The following P2RX1 variants were observed in gnomAD, a reference collection of about 807,000 sequenced individuals.
P2RX1 encodes P2X purinoceptor 1.
P2RX1 carries 42 observed loss-of-function variants against 50.3 expected under a neutral mutation model. The observed-to-expected ratio is 0.83, with a 90% CI of 0.65 to 1.08. P2RX1 has a LOEUF of 1.08. Among genes scored for constraint, P2RX1 ranks in the 50% least tolerant of loss-of-function variants. P2RX1 has a pLI of 0.00. For missense variants in P2RX1, 449 were observed against 529.0 expected (o/e 0.85, Z 1.48); for synonymous variants, 199 against 202.6 (o/e 0.98, Z 0.15).
rs192174083 is a variant in P2RX1 at position 3,901,268 on chromosome 17, C to T, written c.748-1507G>A. On this transcript the variant is annotated intron_variant, in intron 7 of 11. Transcript: ENST00000225538. ...ATTTTTAGTAGAGACGGGGTTTCAC[C>T]GTGTTAGCCAGGATGGTCTCGATCT... Among the ~76,000 whole-genome samples the T allele has an allele frequency of 3.5e-3, 528 of 152,296 alleles. 2 individuals carry two copies. The highest frequency in any genetic ancestry group is 0.021 in the East Asian group (107 of 5,186).
chr17:3,908,744 G>A (rs535406647), intron 1 of P2RX1, among the ~76,000 whole-genome samples: 113 of 152,178 alleles, frequency 7.4e-4, no homozygotes, highest in African/African-American at 2.5e-3. Context: ...TTTCTACCTC[G>A]TCATCAGCAA....
At chr17:3,911,585 G>A (rs2056365892) in intron 1 of P2RX1, among the ~76,000 whole-genome samples, 1 of 115,362 alleles carries the variant, frequency 8.7e-6, no homozygotes, top group South Asian at 3.2e-4. Flanking sequence ...TCCTGCCTCC[G>A]GTCCCCACGC....
intron 9 of P2RX1, among the ~76,000 whole-genome samples, 189 bp from the exon 10 acceptor site, chr17:3,898,738 AG>A (rs2056079856): frequency 6.6e-6 from 1 of 152,180 alleles, no homozygotes; most frequent in African/African-American, 2.4e-5. Flanking sequence ...CCTGAGCGCA[AG>A]GAGACTGTGG....
intron 1 of P2RX1, among the ~76,000 whole-genome samples, chr17:3,905,701 G>A (rs529842258): frequency 7.9e-5 from 12 of 152,194 alleles, no homozygotes; most frequent in South Asian, 2.1e-4. Flanking sequence ...ACAAAAATTA[G>A]CTTGGCATGG....
rs2056051450 is a variant in P2RX1, at chr17:3,897,506, G to A, written c.*308C>T. On this transcript the variant is annotated 3_prime_UTR_variant, in exon 12 of 12. Coordinates refer to ENST00000225538, the MANE Select transcript of P2RX1 (RefSeq NM_002558.4). Reference sequence around the variant, plus strand: ...ATGGAGGCAGCGGGTTGGATAATGAGAGTCCGGAGAGAGAAGCACGAAGCT... The same window carrying A: ...ATGGAGGCAGCGGGTTGGATAATGAAAGTCCGGAGAGAGAAGCACGAAGCT... 2 of 511,110 alleles carry A rather than the reference G, an allele frequency of 3.9e-6. No individual in the cohort carries two copies. The highest frequency in any genetic ancestry group is 3.2e-5 in the Admixed American group (1 of 31,250). 31.7% of individuals were successfully genotyped at this position (511,110 alleles called of 1,614,324 possible).
intron 1 of P2RX1, among the ~76,000 whole-genome samples, chr17:3,906,153 A>G (rs1343364939): frequency 6.6e-6 from 1 of 151,744 alleles, no homozygotes; most frequent in Non-Finnish European, 1.5e-5. Context: ...TTTTTTTGAG[A>G]CGGAGTCTCG....
intron 9 of P2RX1, 66 bp from the exon 10 acceptor site, chr17:3,898,615 C>T: frequency 2.3e-6 from 3 of 1,297,516 alleles, no homozygotes; most frequent in Non-Finnish European, 3.3e-6. Flanking sequence ...AAAGGCCGGA[C>T]CTGGGACAAG....
rs1304077437 is a variant in P2RX1 at position 3,897,850 on chromosome 17, G to A, written c.1164C>T (p.Ser388=). 1.2e-6 allele frequency: 2 copies of A among 1,613,756 alleles called. No individual in the cohort carries two copies. The highest frequency in any genetic ancestry group is 1.1e-5 in the South Asian group (1 of 91,068). ...TCATGTTCTCCTGCAGGCCCAGGGT[G>A]GAGCTGGTAGCTGCGAGGTCACGCT... is the stretch of plus-strand genomic sequence containing the variant. ...AAERDLAATS[S]TLGLQENMRT... is the part of the protein sequence containing the mutation. The change falls in exon 12 of 12, where the codon TCC becomes TCT. Residue 388 remains serine, a synonymous_variant. Transcript: ENST00000225538.
At position 3,899,627 on chromosome 17, in the gene P2RX1, C is replaced by A; in HGVS notation, c.875+7G>T. 1 of 1,612,508 alleles carries A rather than the reference C, an allele frequency of 6.2e-7. No individual in the cohort carries two copies. The highest frequency in any genetic ancestry group is 8.5e-7 in the Non-Finnish European group (1 of 1,178,954). On this transcript the variant is annotated splice_region_variant and intron_variant, in intron 8 of 11. Transcript: ENST00000225538. The stretch of plus-strand genomic sequence containing the variant: ...GAAGAATGTGCTGCTGGGGGCCTGG[C>A]AGACACCTGAAGTTGAAGCCTGGGG...
Position 3,903,153 on chromosome 17 carries a change from G to T in P2RX1, c.747+49C>A, listed in dbSNP as rs1482036765. ...AACTGGGCCTAAAAAGCCTTTATCA[G>T]GATCCTGCGGCCCAGCCCTCCCCAC... On this transcript the variant is annotated intron_variant, in intron 7 of 11. Coordinates refer to ENST00000225538, the MANE Select transcript of P2RX1 (RefSeq NM_002558.4). The surrounding 1 kb of genome is among the most constrained non-coding windows in gnomAD (Gnocchi z 4.6). 6.2e-7 allele frequency: 1 copy of T among 1,612,518 alleles called. No homozygotes were observed. Among genetic ancestry groups the T allele is most frequent in the Non-Finnish European group, 8.5e-7 (1 of 1,179,648 alleles).
intron 7 of P2RX1, among the ~76,000 whole-genome samples, chr17:3,901,522 C>T (rs2056145915): frequency 6.6e-6 from 1 of 152,220 alleles, no homozygotes; most frequent in African/African-American, 2.4e-5. Flanking sequence ...TGCCCTTGCC[C>T]TTCCACAGCT....
rs1597506424 is a variant in P2RX1, at chr17:3,897,493, G to T, written c.*321C>A. ...CAGATCTAGAGAAATGGAGGCAGCG[G>T]GTTGGATAATGAGAGTCCGGAGAGA... On this transcript the variant is annotated 3_prime_UTR_variant, in exon 12 of 12. Transcript: ENST00000225538. 2.1e-6 allele frequency: 1 copy of T among 483,758 alleles called. No homozygotes were observed. Among genetic ancestry groups the T allele is most frequent in the South Asian group, 2.3e-5 (1 of 43,594 alleles). The allele number at this position is 483,758 out of a possible 1,614,324, so 30.0% of individuals were successfully genotyped here. A position where few individuals can be genotyped will look rare whatever the true frequency, so the allele number is the denominator to read the frequency against.
intron 7 of P2RX1, among the ~76,000 whole-genome samples, chr17:3,900,567 C>G (rs569399071): frequency 6.6e-6 from 1 of 152,294 alleles, no homozygotes; most frequent in African/African-American, 2.4e-5. Flanking sequence ...TCCCATTACC[C>G]TCCACACTCC....
intron 7 of P2RX1, among the ~76,000 whole-genome samples, chr17:3,901,289 G>A (rs2005831): frequency 0.38 from 57,371 of 152,074 alleles, 12,730 homozygotes; most frequent in African/African-American, 0.63. Context: ...GGATGGTCTC[G>A]ATCTCCTGAC....
intron 9 of P2RX1, 142 bp downstream of exon 9, chr17:3,898,792 C>G (rs1364862860): frequency 5.0e-6 from 4 of 806,642 alleles, no homozygotes; most frequent in Non-Finnish European, 8.9e-6. Flanking sequence ...CTGGACATGC[C>G]CCATGACCAT....
chr17:3,908,085 C>T (rs1300008761), intron 1 of P2RX1, among the ~76,000 whole-genome samples: 1 of 152,202 alleles, frequency 6.6e-6, no homozygotes, highest in Admixed American at 6.5e-5. Flanking sequence ...GCCCAGGACT[C>T]AGCCCACCTC....
At chr17:3,909,171 C>T (rs1371354204) in intron 1 of P2RX1, among the ~76,000 whole-genome samples, 1 of 152,092 alleles carries the variant, frequency 6.6e-6, no homozygotes. Flanking sequence ...GCTGGGACTA[C>T]GGGCGCGCCC....
rs1465785496 is a variant in P2RX1 at position 3,914,070 on chromosome 17, C to CT, written c.137+2018dup. 6.6e-6 allele frequency among the ~76,000 whole-genome samples: 1 copy of CT among 152,204 alleles called. No homozygotes were observed. Among genetic ancestry groups the CT allele is most frequent in the Non-Finnish European group, 1.5e-5 (1 of 68,042 alleles). On this transcript the variant is annotated intron_variant, in intron 1 of 11. Transcript: ENST00000225538. The surrounding 1 kb of genome is among the most constrained non-coding windows in gnomAD (Gnocchi z 4.1). ...CTGAGCAGGAGCTGGAAGCCTGGGC[C>CT]TGCAGCCCTGGGGGTTGCTGGTGAT...
chr17:3,912,079 T>C (rs1011551148), intron 1 of P2RX1, among the ~76,000 whole-genome samples: 6 of 152,182 alleles, frequency 3.9e-5, no homozygotes, highest in Non-Finnish European at 5.9e-5. Flanking sequence ...ACAGAGAACT[T>C]GCCTGAGAAT....
Sources: gnomAD v4.1 joint callset for allele counts (sites outside exome capture counted in the v4.1 genomes callset) on GRCh38, gnomAD v4.1.1 for gene constraint, Gnocchi (gnomAD v3.1) non-coding constraint, MANE v1.5 for transcripts, NCBI Gene and HGNC (gene_info 2026-07-23, HGNC 2026-07-21) for gene names.